PHF21A: variants seen among roughly 807,000 people sequenced by gnomAD.
PHF21A encodes PHD finger protein 21A.
In PHF21A, 11 loss-of-function variants were observed where a neutral mutation model predicts 82.5. The ratio of observed to expected loss-of-function variants is 0.13; its 90% CI spans 0.08 to 0.22. The LOEUF (loss-of-function observed/expected upper bound fraction) is 0.22, where lower values mean the gene tolerates loss of function less well. PHF21A is among the 10% of genes least tolerant of loss of function. The pLI is 1.00. For synonymous variants in PHF21A, 297 were observed against 302.8 expected (o/e 0.98, Z 0.20); for missense variants, 579 against 837.8 (o/e 0.69, Z 3.81).
chr11:45,957,751 CA>C, intron 10 of PHF21A, among the ~76,000 whole-genome samples: 21,332 of 61,258 alleles, frequency 0.35, 2,109 homozygotes, highest in East Asian at 0.63. Context: ...AAATTCAAAG[CA>C]AAAAAAAAAA....
At chr11:45,964,646 GTGAC>G (rs2093325687) in intron 10 of PHF21A, among the ~76,000 whole-genome samples, 1 of 152,034 alleles carries the variant, frequency 6.6e-6, no homozygotes, top group South Asian at 2.1e-4. Flanking sequence ...ATAGGATACG[GTGAC>G]TGCCTATAAA....
chr11:46,012,872 C>T (rs1354805283), intron 6 of PHF21A, among the ~76,000 whole-genome samples: 1 of 152,140 alleles, frequency 6.6e-6, no homozygotes, highest in African/African-American at 2.4e-5. Context: ...TCACATCCCC[C>T]CAACTCTTTA....
chr11:46,044,618 C>A (rs1354016812), intron 6 of PHF21A, among the ~76,000 whole-genome samples: 1 of 152,136 alleles, frequency 6.6e-6, no homozygotes, highest in Non-Finnish European at 1.5e-5. Flanking sequence ...CAACGGTTAT[C>A]CAAACTCTTT....
At chr11:46,026,227 G>T (rs2095742809) in intron 6 of PHF21A, among the ~76,000 whole-genome samples, 1 of 152,042 alleles carries the variant, frequency 6.6e-6, no homozygotes, top group Non-Finnish European at 1.5e-5. Flanking sequence ...ATTATGTTTT[G>T]ACTAAGTTTT....
Position 45,946,009 on chromosome 11 carries a change from T to A in PHF21A, c.1289-6A>T. ...ATTGTATTTTGGAGGACGACCTATA[T>A]ACCAAGAGAAGGGAACAAAAGGGAA... On this transcript the variant is annotated splice_region_variant and splice_polypyrimidine_tract_variant and intron_variant, in intron 14 of 18. Coordinates refer to ENST00000676320, the MANE Select transcript of PHF21A (RefSeq NM_001352027.3). 6.2e-7 allele frequency: 1 copy of A among 1,613,586 alleles called. No individual in the cohort carries two copies. Among genetic ancestry groups the A allele is most frequent in the Non-Finnish European group, 8.5e-7 (1 of 1,179,896 alleles).
intron 3 of PHF21A, 65 bp from the exon 4 acceptor site, chr11:46,084,367 A>G: frequency 1.9e-6 from 1 of 534,808 alleles, no homozygotes; most frequent in Non-Finnish European, 3.1e-6. Flanking sequence ...TATGTTAAAT[A>G]AATTATGTTA....
intron 11 of PHF21A, among the ~76,000 whole-genome samples, chr11:45,950,482 G>C (rs1351382323): frequency 6.6e-6 from 1 of 151,534 alleles, no homozygotes. Context: ...GAATTGTCTC[G>C]AGCCACACAT....
intron 7 of PHF21A, among the ~76,000 whole-genome samples, chr11:45,978,391 C>T (rs2094139109): frequency 6.6e-6 from 1 of 152,066 alleles, no homozygotes; most frequent in Non-Finnish European, 1.5e-5. Context: ...GGAGTATGTC[C>T]ATTATGTAAA....
At chr11:45,946,076 C>T (rs2091252939) in intron 14 of PHF21A, 73 bp from the exon 15 acceptor site, 1 of 1,613,900 alleles carries the variant, frequency 6.2e-7, no homozygotes, top group Non-Finnish European at 8.5e-7. Flanking sequence ...TCTTACATAC[C>T]TTTGGCCAGT....
At chr11:45,947,193 G>A (rs2091422950) in intron 14 of PHF21A, among the ~76,000 whole-genome samples, 1 of 152,172 alleles carries the variant, frequency 6.6e-6, no homozygotes, top group African/African-American at 2.4e-5. Flanking sequence ...TGTGGGTACA[G>A]AAAGTCTAGG....
At chr11:46,041,385 C>T (rs1211284075) in intron 6 of PHF21A, among the ~76,000 whole-genome samples, 11 of 152,218 alleles carry the variant, frequency 7.2e-5, no homozygotes, top group East Asian at 1.9e-4. Context: ...GTACTTCTTT[C>T]GAGCAATAAC....
At chr11:45,945,662 G>A (rs998655924) in intron 15 of PHF21A, among the ~76,000 whole-genome samples, 178 bp downstream of exon 15, 1 of 152,184 alleles carries the variant, frequency 6.6e-6, no homozygotes. Flanking sequence ...CAAGGACATG[G>A]AAGGCCTGGA....
chr11:46,019,223 CT>C (rs1406518923), intron 6 of PHF21A, among the ~76,000 whole-genome samples: 1 of 151,800 alleles, frequency 6.6e-6, no homozygotes, highest in Non-Finnish European at 1.5e-5. Flanking sequence ...TTAATTCTTT[CT>C]AGAAGATAGG....
intron 6 of PHF21A, among the ~76,000 whole-genome samples, chr11:46,067,769 T>C (rs2096611479): frequency 6.6e-6 from 1 of 152,162 alleles, no homozygotes; most frequent in African/African-American, 2.4e-5. Flanking sequence ...GGGGTACAAA[T>C]GTGAGCAAGA....
At chr11:46,103,534 A>G (rs2097122573) in intron 1 of PHF21A, among the ~76,000 whole-genome samples, 1 of 152,238 alleles carries the variant, frequency 6.6e-6, no homozygotes, top group African/African-American at 2.4e-5. Context: ...ACAATGTTTT[A>G]GGAACAGGGA....
At chr11:46,046,628 T>G (rs2096261681) in intron 6 of PHF21A, among the ~76,000 whole-genome samples, 1 of 152,214 alleles carries the variant, frequency 6.6e-6, no homozygotes, top group Admixed American at 6.5e-5. Context: ...CTCATATATC[T>G]TCTCTGTCAA....
rs149544562 is a variant in PHF21A, at chr11:46,068,443, T to C, written c.153+8311A>G. Among the ~76,000 whole-genome samples the C allele has an allele frequency of 5.7e-3, 870 of 152,316 alleles. 6 individuals are homozygous for C. The highest frequency in any genetic ancestry group is 0.031 in the Middle Eastern group (9 of 294). On this transcript the variant is annotated intron_variant, in intron 6 of 18. Transcript: ENST00000676320. ...TAGTAGAGAGGTGGTGTCAGTTATA[T>C]TGGCTCCTAAAAAGCATTCGTTATT...
chr11:45,991,331 C>T lies in PHF21A; in HGVS notation c.154-11365G>A, dbSNP rs762320973. On this transcript the variant is annotated intron_variant, in intron 6 of 18. Transcript: ENST00000676320. Reference sequence around the variant, plus strand: ...GAATTCTATAACTGTTACATAAAAACGAAGTAATAATATCAGATGGATATT... The same window carrying T: ...GAATTCTATAACTGTTACATAAAAATGAAGTAATAATATCAGATGGATATT... Among the ~76,000 whole-genome samples the T allele has an allele frequency of 5.3e-4, 80 of 152,192 alleles. 1 individual carries two copies. Among genetic ancestry groups the T allele is most frequent in the Middle Eastern group, 3.4e-3 (1 of 294 alleles).
chr11:46,109,997 A>G lies in PHF21A; in HGVS notation c.-237+10938T>C, dbSNP rs553682086. ...CTCCGTGTCAAAAAAAAAAAAAAAAAGTACTGGTCTATTGGGAGCAGGGTG... is the reference window on the plus strand; with the variant it reads ...CTCCGTGTCAAAAAAAAAAAAAAAAGGTACTGGTCTATTGGGAGCAGGGTG... On this transcript the variant is annotated intron_variant, in intron 1 of 18. Coordinates refer to ENST00000676320, the MANE Select transcript of PHF21A (RefSeq NM_001352027.3). Among the ~76,000 whole-genome samples the G allele has an allele frequency of 6.6e-5, 10 of 151,622 alleles. No individual in the cohort carries two copies. The South Asian group carries it at 2.1e-3, about 32-fold the overall frequency.
Sources: gnomAD v4.1 joint callset for allele counts (sites outside exome capture counted in the v4.1 genomes callset) on GRCh38, gnomAD v4.1.1 for gene constraint, MANE v1.5 for transcripts, NCBI Gene and HGNC (gene_info 2026-07-23, HGNC 2026-07-21) for gene names.